Variants in FBN1 observed in about 807,000 individuals in gnomAD.
FBN1 encodes fibrillin-1.
In FBN1, 29 loss-of-function variants were observed where a neutral mutation model predicts 365.1. That is an observed-to-expected ratio of 0.08 (90% CI 0.06 to 0.11). The LOEUF is 0.11. Ranked by LOEUF, FBN1 falls within the 10% of genes least tolerant of loss-of-function variation. FBN1 has a pLI of 1.00. For missense variants in FBN1, 2,476 were observed against 3,703.2 expected (o/e 0.67, Z 8.60); for synonymous variants, 1,210 against 1,270.5 (o/e 0.95, Z 1.01).
chr15:48,430,494 T>C (rs1181632195), intron 56 of FBN1, among the ~76,000 whole-genome samples, 177 bp downstream of exon 56: 1 of 152,184 alleles, frequency 6.6e-6, no homozygotes, highest in African/African-American at 2.4e-5. Flanking sequence ...GACAGTGCTC[T>C]TGGAATTCAC....
Position 48,429,567 on chromosome 15 carries a change from A to G in FBN1, c.6872-1096T>C, listed in dbSNP as rs1055446168. Among the ~76,000 whole-genome samples the G allele has an allele frequency of 2.0e-5, 3 of 152,216 alleles. No homozygotes were observed. The South Asian group carries it at 6.2e-4, about 32-fold the overall frequency. ...GGAAGGTGAATCCAGAACAGTGTTA[A>G]AACAGGTTCAAAACCCCAATGCAAT... On this transcript the variant is annotated intron_variant, in intron 56 of 65. Transcript: ENST00000316623.
In FBN1 at chr15:48,534,937, G is replaced by C. The variant is rs575595646; in HGVS notation, c.737-732C>G. 8.5e-5 allele frequency among the ~76,000 whole-genome samples: 13 copies of C among 152,304 alleles called. No individual in the cohort carries two copies. The South Asian group carries it at 2.3e-3, about 27-fold the overall frequency. Reference sequence around the variant, plus strand: ...TGTCTTTCCCCAGCTCAACGTGCAAGTGTGTACTATGTCCTGGGGAGTTCG... The same window carrying C: ...TGTCTTTCCCCAGCTCAACGTGCAACTGTGTACTATGTCCTGGGGAGTTCG... On this transcript the variant is annotated intron_variant, in intron 7 of 65. Coordinates refer to ENST00000316623, the MANE Select transcript of FBN1 (RefSeq NM_000138.5).
intron 53 of FBN1, among the ~76,000 whole-genome samples, chr15:48,435,396 GCCTTA>G (rs1017771294): frequency 1.7e-4 from 26 of 151,512 alleles, no homozygotes; most frequent in Non-Finnish European, 5.9e-5. Context: ...CCACAGTTTG[GCCTTA>G]CATTACATCA....
chr15:48,537,219 G>A (rs2044020311), intron 7 of FBN1, among the ~76,000 whole-genome samples: 1 of 152,196 alleles, frequency 6.6e-6, no homozygotes, highest in Non-Finnish European at 1.5e-5. Flanking sequence ...CACAACCCAT[G>A]AGAGAGGAAC....
chr15:48,502,514 C>T (rs759740041), intron 17 of FBN1, among the ~76,000 whole-genome samples: 2 of 152,120 alleles, frequency 1.3e-5, no homozygotes, highest in Admixed American at 6.5e-5. Flanking sequence ...CTGACTAAAT[C>T]CTATATGTAA....
At chr15:48,437,112 G>A (rs754942968) in intron 52 of FBN1, 35 bp from the exon 53 acceptor site, 1 of 1,420,982 alleles carries the variant, frequency 7.0e-7, no homozygotes. Context: ...GAATAACAAG[G>A]TATTTTTTAA....
intron 18 of FBN1, among the ~76,000 whole-genome samples, chr15:48,498,004 C>T (rs1267066292): frequency 1.3e-5 from 2 of 152,192 alleles, no homozygotes; most frequent in African/African-American, 4.8e-5. Context: ...GCTCCAACAC[C>T]ACATGCTCTG....
intron 8 of FBN1, among the ~76,000 whole-genome samples, chr15:48,530,638 G>A (rs1278095897): frequency 6.6e-6 from 1 of 151,898 alleles, no homozygotes; most frequent in Non-Finnish European, 1.5e-5. Context: ...GCAAACAGCT[G>A]AAAGAGGATG....
At chr15:48,417,918 C>T (rs1240535263) in intron 63 of FBN1, among the ~76,000 whole-genome samples, 2 of 152,222 alleles carry the variant, frequency 1.3e-5, no homozygotes, top group Admixed American at 1.3e-4. Flanking sequence ...CATGAGCAAG[C>T]TCTGCTCCCC....
intron 9 of FBN1, among the ~76,000 whole-genome samples, chr15:48,524,242 C>T (rs575753572): frequency 5.3e-5 from 8 of 152,220 alleles, no homozygotes; most frequent in Admixed American, 2.0e-4. Context: ...AAAGGGAGCT[C>T]GGGGCTGGGA....
chr15:48,437,735 T>C (rs755308198), intron 51 of FBN1, 33 bp downstream of exon 51: 1 of 1,612,726 alleles, frequency 6.2e-7, no homozygotes, highest in Non-Finnish European at 8.5e-7. Flanking sequence ...GCACCCTGCA[T>C]GGCCCAGAGA....
At chr15:48,412,467 G>A (rs1045028287) in intron 65 of FBN1, 102 bp downstream of exon 65, 5 of 1,203,300 alleles carry the variant, frequency 4.2e-6, no homozygotes, top group Non-Finnish European at 6.2e-6. Context: ...TTTCTCCCTG[G>A]GGAGCTTTTT....
intron 8 of FBN1, 110 bp from the exon 9 acceptor site, chr15:48,526,365 C>T: frequency 3.3e-6 from 4 of 1,218,138 alleles, no homozygotes; most frequent in Non-Finnish European, 3.5e-6. Context: ...CTGGAAACAG[C>T]CATCATTAAA....
At chr15:48,433,241 A>G (rs141770903) in intron 54 of FBN1, among the ~76,000 whole-genome samples, 5 of 152,264 alleles carry the variant, frequency 3.3e-5, no homozygotes, top group African/African-American at 1.2e-4. Flanking sequence ...GTCCTGGTAT[A>G]ATTATTAATG....
rs562854230 is a variant in FBN1 at position 48,500,624 on chromosome 15, G to A, written c.2114-1586C>T. Among the ~76,000 whole-genome samples, 8 of 152,302 alleles carry A rather than the reference G, an allele frequency of 5.3e-5. No homozygotes were observed. The East Asian group carries it at 1.5e-3, about 29-fold the overall frequency. On this transcript the variant is annotated intron_variant, in intron 17 of 65. Coordinates refer to ENST00000316623, the MANE Select transcript of FBN1 (RefSeq NM_000138.5). ...AAACACATAGTGAGGGGTAGGTGTT[G>A]ATGAGCTAACTCCGCGTAGTGCCAT...
At chr15:48,606,101 T>A (rs1566936765) in intron 4 of FBN1, among the ~76,000 whole-genome samples, 1 of 152,088 alleles carries the variant, frequency 6.6e-6, no homozygotes, top group Non-Finnish European at 1.5e-5. Context: ...GCAGAGAAAC[T>A]GGGTCATTCA....
chr15:48,430,631 T>C (rs1227128718), intron 56 of FBN1, 40 bp downstream of exon 56: 2 of 1,612,604 alleles, frequency 1.2e-6, no homozygotes, highest in Non-Finnish European at 1.7e-6. Context: ...CACTGTCACT[T>C]CTGATGCACT....
intron 64 of FBN1, among the ~76,000 whole-genome samples, chr15:48,414,409 C>T (rs997238447): frequency 5.9e-5 from 9 of 152,028 alleles, no homozygotes; most frequent in South Asian, 2.1e-4. Flanking sequence ...TGTGTGTACA[C>T]GCATGTGGAG....
chr15:48,495,690 C>T, intron 20 of FBN1, 102 bp from the exon 21 acceptor site: 2 of 1,444,580 alleles, frequency 1.4e-6, no homozygotes, highest in Non-Finnish European at 1.9e-6. Context: ...CTTAATCCCA[C>T]ACAGTAAAGC....
Sources: allele counts gnomAD v4.1 joint callset (sites outside exome capture counted in the v4.1 genomes callset), GRCh38; gene constraint gnomAD v4.1.1; transcripts MANE v1.5; gene names NCBI Gene and HGNC (gene_info 2026-07-23, HGNC 2026-07-21).